Variants in NPIPB9 observed in about 807,000 individuals in gnomAD.
NPIPB9 encodes nuclear pore complex interacting protein family member B9.
NPIPB9 carries 1 observed loss-of-function variant against 5.6 expected under a neutral mutation model. That is an observed-to-expected ratio of 0.18 (90% confidence interval 0.06 to 0.84). NPIPB9 has a LOEUF of 0.84. NPIPB9 is among the 40% of genes least tolerant of loss of function. The pLI is 0.70. For missense variants in NPIPB9, 3 were observed against 39.1 expected (o/e 0.08, Z 2.46); for synonymous variants, 2 against 12.5 (o/e 0.16, Z 1.77).
chr16:28,752,527 C>A lies in NPIPB9; in HGVS notation c.-41C>A. The A allele has an allele frequency of 2.2e-6, 3 of 1,378,416 alleles. 1 individual carries two copies. The highest frequency in any genetic ancestry group is 3.0e-6 in the Non-Finnish European group (3 of 1,006,588). The allele number at this position is 1,378,416 out of a possible 1,614,324, so 85.4% of individuals were successfully genotyped here. A position where few individuals can be genotyped will look rare whatever the true frequency, so the allele number is the denominator to read the frequency against. ...ACAGTTCCTGTCGCATGACCAGAGC[C>A]AGTTCACCAAGGAGCTGCAGCAGCA... On this transcript the variant is annotated 5_prime_UTR_variant, in exon 1 of 8. Transcript: ENST00000550983.
intron 5 of NPIPB9, among the ~76,000 whole-genome samples, chr16:28,767,462 G>A (rs1298365198): frequency 6.5e-5 from 2 of 30,886 alleles, no homozygotes; most frequent in Admixed American, 4.2e-4. Context: ...CACACACCTC[G>A]GCCTCCCAAT....
At chr16:28,753,527 TACATACAC>T (rs1567355077) in intron 1 of NPIPB9, among the ~76,000 whole-genome samples, 5 of 40,686 alleles carry the variant, frequency 1.2e-4, no homozygotes, top group East Asian at 4.4e-4. Flanking sequence ...CACACACACA[TACATACAC>T]ACACACACAC....
At chr16:28,760,357 G>A (rs1197214054) in intron 2 of NPIPB9, among the ~76,000 whole-genome samples, 4 of 34,494 alleles carry the variant, frequency 1.2e-4, no homozygotes, top group South Asian at 2.0e-3. Context: ...ACAGAGTCTC[G>A]CTCTGTCACC....
intron 1 of NPIPB9, among the ~76,000 whole-genome samples, chr16:28,754,775 C>T (rs573659868): frequency 4.9e-5 from 7 of 142,026 alleles, no homozygotes; most frequent in African/African-American, 1.0e-4. Flanking sequence ...ACTAAGTCAC[C>T]GCAGATTTGC....
rs1242985983 is a variant in NPIPB9 at position 28,756,182 on chromosome 16, C to A, written c.26-1816C>A. On this transcript the variant is annotated intron_variant, in intron 1 of 7. Coordinates refer to ENST00000550983, the Ensembl canonical transcript of NPIPB9. ...TCTCTCCTTTTACAACCAACACAAC[C>A]GAAATCTAGGGCTTTTTTTTTTTTT... Among the ~76,000 whole-genome samples the A allele has an allele frequency of 8.1e-5, 8 of 98,688 alleles. No homozygotes were observed. In the East Asian group the frequency reaches 1.9e-3, roughly 23 times the overall value. 64.7% of individuals were successfully genotyped at this position (98,688 alleles called of 152,430 possible). A position where few individuals can be genotyped will look rare whatever the true frequency, so the allele number is the denominator to read the frequency against.
At chr16:28,752,535 C>G (rs761769789) in exon 1 of NPIPB9, 1 of 1,375,020 alleles carries the variant, frequency 7.3e-7, no homozygotes, top group Non-Finnish European at 9.9e-7. Flanking sequence ...GCCAGTTCAC[C>G]AAGGAGCTGC....
intron 3 of NPIPB9, among the ~76,000 whole-genome samples, chr16:28,765,734 T>TGTGC (rs2049162971): frequency 1.3e-5 from 1 of 79,086 alleles, no homozygotes; most frequent in Non-Finnish European, 2.4e-5. Context: ...TGTGTGTGTG[T>TGTGC]GTGTGTGTGT....
intron 2 of NPIPB9, among the ~76,000 whole-genome samples, chr16:28,760,348 CAG>C (rs2049032057): frequency 3.0e-5 from 1 of 32,934 alleles, no homozygotes; most frequent in Non-Finnish European, 5.5e-5. Context: ...TTTTTTGAGA[CAG>C]AGTCTCGCTC....
At chr16:28,761,953 CTCAAGA>C (rs1262076568) in intron 2 of NPIPB9, among the ~76,000 whole-genome samples, 1 of 32,636 alleles carries the variant, frequency 3.1e-5, no homozygotes, top group East Asian at 5.0e-4. Flanking sequence ...TTATGTGTGG[CTCAAGA>C]CAACTTTGTT....
At chr16:28,758,550 CTCCCCT>C (rs2048932033) in intron 2 of NPIPB9, 1 of 8,660 alleles carries the variant, frequency 1.2e-4, no homozygotes, top group African/African-American at 4.7e-4. Context: ...TCCCCTCCCC[CTCCCCT>C]TCCCCTCCCC....
At chr16:28,760,314 A>ATTTT (rs1223557384) in intron 2 of NPIPB9, among the ~76,000 whole-genome samples, 24 of 22,494 alleles carry the variant, frequency 1.1e-3, no homozygotes, top group East Asian at 6.4e-3. Context: ...CACCTTGGTA[A>ATTTT]TTTTTTTTTT....
chr16:28,771,278 T>C lies in NPIPB9; in HGVS notation c.687+485T>C. ...CATTTTTCCATGGACAAAAGTATTC[T>C]TTATGTCCTAGTGCACTTACAATTT... On this transcript the variant is annotated intron_variant, in intron 7 of 7. Coordinates refer to ENST00000550983, the Ensembl canonical transcript of NPIPB9. 2 of 391,012 alleles carry C rather than the reference T, an allele frequency of 5.1e-6. 1 individual carries two copies. The highest frequency in any genetic ancestry group is 5.8e-6 in the Non-Finnish European group (2 of 346,292). 24.2% of individuals were successfully genotyped at this position (391,012 alleles called of 1,614,324 possible). A position where few individuals can be genotyped will look rare whatever the true frequency, so the allele number is the denominator to read the frequency against.
At chr16:28,765,380 G>C (rs1305631800) in intron 3 of NPIPB9, among the ~76,000 whole-genome samples, 1 of 40,864 alleles carries the variant, frequency 2.4e-5, no homozygotes, top group East Asian at 7.2e-4. Context: ...GGGATTATAG[G>C]CGTGAGCTAC....
chr16:28,767,294 C>G (rs1355259984), intron 5 of NPIPB9, among the ~76,000 whole-genome samples: 2 of 106,352 alleles, frequency 1.9e-5, no homozygotes, highest in African/African-American at 3.4e-5. Context: ...TTCCCAGGTT[C>G]AAGTGATTCT....
intron 3 of NPIPB9, among the ~76,000 whole-genome samples, chr16:28,765,766 T>A (rs2049166084): frequency 9.7e-6 from 1 of 103,030 alleles, no homozygotes; most frequent in Non-Finnish European, 2.0e-5. Context: ...TGTGTGTGTG[T>A]GTGTGTGTGA....
At chr16:28,767,284 T>G (rs1279338602) in intron 5 of NPIPB9, among the ~76,000 whole-genome samples, 1 of 106,834 alleles carries the variant, frequency 9.4e-6, no homozygotes, top group African/African-American at 3.3e-5. Context: ...CAACCTCTGC[T>G]TCCCAGGTTC....
rs2151819456 is a variant in NPIPB9 at position 28,760,584 on chromosome 16, A to G, written c.112-1667A>G. On this transcript the variant is annotated intron_variant, in intron 2 of 7. Transcript: ENST00000550983. ...CGTGGTCCACCCACCTCGGCTTCCC[A>G]AAGTGCTGAGATTGCAGGCGTGAGC... Among the ~76,000 whole-genome samples, 2 of 39,738 alleles carry G rather than the reference A, an allele frequency of 5.0e-5. 1 individual carries two copies. The highest frequency in any genetic ancestry group is 8.5e-5 in the Non-Finnish European group (2 of 23,514). 26.1% of individuals were successfully genotyped at this position (39,738 alleles called of 152,430 possible).
intron 1 of NPIPB9, among the ~76,000 whole-genome samples, chr16:28,756,441 G>A (rs1305529268): frequency 8.8e-6 from 1 of 113,046 alleles, no homozygotes; most frequent in Non-Finnish European, 2.1e-5. Context: ...CTAACCTCGT[G>A]ATCCGCCTGC....
intron 1 of NPIPB9, among the ~76,000 whole-genome samples, chr16:28,757,368 CCA>C (rs1290159907): frequency 3.5e-5 from 2 of 57,610 alleles, no homozygotes; most frequent in Non-Finnish European, 8.1e-5. Flanking sequence ...AATTTAAAGT[CCA>C]CACACACAGG....
Sources: gnomAD v4.1 joint callset for allele counts (sites outside exome capture counted in the v4.1 genomes callset) on GRCh38, gnomAD v4.1.1 for gene constraint, MANE v1.5 for transcripts, NCBI Gene and HGNC (gene_info 2026-07-23, HGNC 2026-07-21) for gene names.